Variants in TRPM8 observed in about 807,000 individuals in gnomAD.
TRPM8 encodes transient receptor potential cation channel subfamily M member 8.
Under a neutral mutation model 133.7 loss-of-function variants are expected in TRPM8, and 110 were observed. That is an observed-to-expected ratio of 0.82 (90% CI 0.70 to 0.96). TRPM8 has a LOEUF of 0.96. Among genes scored for constraint, TRPM8 ranks in the 40% least tolerant of loss-of-function variants. The pLI, the probability that TRPM8 is intolerant of heterozygous loss-of-function variation, is 0.00. For synonymous variants in TRPM8, 535 were observed against 532.3 expected, an observed-to-expected ratio of 1.01 and a Z score of -0.07; for missense variants, 1,291 against 1,379.5, an observed-to-expected ratio of 0.94 and a Z score of 1.02.
At chr2:233,939,985 A>T (rs1447172893) in intron 5 of TRPM8, among the ~76,000 whole-genome samples, 1 of 152,052 alleles carries the variant, frequency 6.6e-6, no homozygotes, top group Non-Finnish European at 1.5e-5. Flanking sequence ...TAATTATCTC[A>T]ACAAGGTCCT....
chr2:233,988,602 G>C (rs1027144463), intron 21 of TRPM8, among the ~76,000 whole-genome samples: 1 of 152,160 alleles, frequency 6.6e-6, no homozygotes, highest in Non-Finnish European at 1.5e-5. Context: ...ATCAGCAAGA[G>C]AATCATCATG....
rs1048254537 is a variant in TRPM8, at chr2:234,017,727, A to C, written c.*471A>C. Reference sequence around the variant, plus strand: ...TATTATGTGACTAATTAGTTGGCATATTGTTAAAAGTCTCTCAAATTAGGC... The same window carrying C: ...TATTATGTGACTAATTAGTTGGCATCTTGTTAAAAGTCTCTCAAATTAGGC... On this transcript the variant is annotated 3_prime_UTR_variant, in exon 26 of 26. Coordinates refer to ENST00000324695, the MANE Select transcript of TRPM8 (RefSeq NM_024080.5). 1 of 165,514 alleles carries C rather than the reference A, an allele frequency of 6.0e-6. No individual in the cohort carries two copies. Among genetic ancestry groups the C allele is most frequent in the African/African-American group, 2.4e-5 (1 of 41,558 alleles). 10.3% of individuals were successfully genotyped at this position (165,514 alleles called of 1,614,324 possible). A position where few individuals can be genotyped will look rare whatever the true frequency, so the allele number is the denominator to read the frequency against.
intron 21 of TRPM8, among the ~76,000 whole-genome samples, chr2:233,987,099 T>G (rs1692164847): frequency 6.6e-6 from 1 of 152,188 alleles, no homozygotes; most frequent in Non-Finnish European, 1.5e-5. Flanking sequence ...CATCTGGGAA[T>G]CTATCCTAAA....
chr2:233,947,055 C>G, intron 7 of TRPM8, 33 bp from the exon 8 acceptor site: 1 of 1,604,300 alleles, frequency 6.2e-7, no homozygotes, highest in Non-Finnish European at 8.5e-7. Flanking sequence ...TTCTAATGAG[C>G]TCAAAATATG....
chr2:233,966,774 C>T lies in TRPM8; in HGVS notation c.2025+19C>T, dbSNP rs749023134. The T allele has an allele frequency of 4.6e-6, 7 of 1,515,844 alleles. No individual in the cohort carries two copies. The South Asian group carries it at 9.1e-5, about 20-fold the overall frequency. 93.9% of individuals were successfully genotyped at this position (1,515,844 alleles called of 1,614,324 possible). ...GGTCCAGGTAAACCATACTCAGCCA[C>T]CAGACCACACGGCCAGAAATGGGGC... On this transcript the variant is annotated intron_variant, in intron 15 of 25. Transcript: ENST00000324695.
chr2:233,987,229 T>G (rs1692168060), intron 21 of TRPM8, among the ~76,000 whole-genome samples: 1 of 152,240 alleles, frequency 6.6e-6, no homozygotes, highest in Admixed American at 6.5e-5. Flanking sequence ...AGACAAAGTT[T>G]GATCTATATC....
At chr2:233,999,367 T>C (rs529269958) in intron 22 of TRPM8, among the ~76,000 whole-genome samples, 1 of 151,218 alleles carries the variant, frequency 6.6e-6, no homozygotes, top group Admixed American at 6.5e-5. Context: ...CCTGAGGCTG[T>C]GGCTCAGAAA....
intron 8 of TRPM8, among the ~76,000 whole-genome samples, 179 bp from the exon 9 acceptor site, chr2:233,949,770 C>T (rs1691129496): frequency 6.6e-6 from 1 of 152,172 alleles, no homozygotes; most frequent in South Asian, 2.1e-4. Context: ...GATTACATTT[C>T]TCATTCATAA....
chr2:233,927,858 T>TTCTCTCTCTCTC lies in TRPM8; in HGVS notation c.117+1209_117+1210insCTCTCTCTCTCT, dbSNP rs374196113. On this transcript the variant is annotated intron_variant, in intron 2 of 25. Transcript: ENST00000324695. ...TTCCTTCCTTCCTTCCTTCCTTTCT[T>TTCTCTCTCTCTC]TCTCTTTCTTTCTTTCTTTCTTTCT... Among the ~76,000 whole-genome samples the TTCTCTCTCTCTC allele has an allele frequency of 4.5e-5, 2 of 44,176 alleles. 1 individual carries two copies. The highest frequency in any genetic ancestry group is 5.6e-4 in the Admixed American group (2 of 3,562). The allele number at this position is 44,176 out of a possible 152,430, so 29.0% of individuals were successfully genotyped here.
chr2:234,003,845 A>C (rs933379342), intron 22 of TRPM8, among the ~76,000 whole-genome samples: 1 of 152,144 alleles, frequency 6.6e-6, no homozygotes, highest in Non-Finnish European at 1.5e-5. Context: ...GCTGCATGGG[A>C]TAAAGGTCCA....
rs549094254 is a variant in TRPM8, at chr2:233,966,917, C to A, written c.2025+162C>A. On this transcript the variant is annotated intron_variant, in intron 15 of 25. Transcript: ENST00000324695. ...GATGTGGGAGATGGCCAAGTATAGG[C>A]ATTGGTCGAAATCCATGCTTTAAGA... 3.9e-5 allele frequency among the ~76,000 whole-genome samples: 6 copies of A among 152,306 alleles called. No homozygotes were observed. The East Asian group carries it at 1.2e-3, about 29-fold the overall frequency.
chr2:233,922,546 A>G (rs950456194), intron 1 of TRPM8, among the ~76,000 whole-genome samples: 6 of 152,056 alleles, frequency 3.9e-5, no homozygotes, highest in African/African-American at 1.2e-4. Flanking sequence ...CTGAAAAAAA[A>G]CCTCTACCAC....
chr2:233,971,096 G>A (rs1691702062), intron 17 of TRPM8, among the ~76,000 whole-genome samples: 1 of 152,154 alleles, frequency 6.6e-6, no homozygotes, highest in Non-Finnish European at 1.5e-5. Context: ...TTCACACTTA[G>A]CAGTTTACAA....
rs569117092 is a variant in TRPM8, at chr2:233,965,060, G to A, written c.1879+303G>A. ...CTGGACTACTTTTTTTTGTGGGGGGGGGGGGTGTTTCTGGATGCCGTTACA... is the reference window on the plus strand; with the variant it reads ...CTGGACTACTTTTTTTTGTGGGGGGAGGGGGTGTTTCTGGATGCCGTTACA... On this transcript the variant is annotated intron_variant, in intron 14 of 25. Coordinates refer to ENST00000324695, the MANE Select transcript of TRPM8 (RefSeq NM_024080.5). Among the ~76,000 whole-genome samples the A allele has an allele frequency of 7.2e-3, 1,064 of 147,752 alleles. 16 individuals are homozygous for A. Among genetic ancestry groups the A allele is most frequent in the African/African-American group, 0.024 (995 of 41,232 alleles).
At chr2:233,971,792 C>G (rs986255121) in intron 17 of TRPM8, among the ~76,000 whole-genome samples, 1 of 152,044 alleles carries the variant, frequency 6.6e-6, no homozygotes, top group African/African-American at 2.4e-5. Flanking sequence ...TGAGCAGTAG[C>G]AAGATTTATT....
At chr2:234,007,981 A>T in intron 23 of TRPM8, 89 bp from the exon 24 acceptor site, 1 of 1,261,660 alleles carries the variant, frequency 7.9e-7, no homozygotes, top group Non-Finnish European at 1.1e-6. Context: ...TCTGTACTTT[A>T]ATTTAAAAGA....
chr2:234,016,294 T>C (rs1692954223), intron 25 of TRPM8, among the ~76,000 whole-genome samples: 1 of 152,172 alleles, frequency 6.6e-6, no homozygotes, highest in African/African-American at 2.4e-5. Context: ...TCAGAACCAC[T>C]GGTGGCCTCA....
At chr2:233,974,343 C>T (rs184645960) in intron 17 of TRPM8, among the ~76,000 whole-genome samples, 75 of 152,222 alleles carry the variant, frequency 4.9e-4, no homozygotes, top group African/African-American at 1.7e-3. Flanking sequence ...AAGTGATTCT[C>T]GTGCCTCAGC....
chr2:233,981,755 T>TTCC lies in TRPM8; in HGVS notation c.2448-17_2448-15dup. The stretch of plus-strand genomic sequence containing the variant: ...TTTTGTCAATATCTCATGAATTCTG[T>TTCC]TCCTTCTTTTCCCCCTAGGCTCCAC... On this transcript the variant is annotated intron_variant, in intron 18 of 25. Transcript: ENST00000324695. The TTCC allele has an allele frequency of 6.3e-7, 1 of 1,586,500 alleles. No homozygotes were observed. The highest frequency in any genetic ancestry group is 8.5e-7 in the Non-Finnish European group (1 of 1,171,774).
Sources: gnomAD v4.1 joint callset for allele counts (sites outside exome capture counted in the v4.1 genomes callset) on GRCh38, gnomAD v4.1.1 for gene constraint, MANE v1.5 for transcripts, NCBI Gene and HGNC (gene_info 2026-07-23, HGNC 2026-07-21) for gene names.